PLCB1: variants seen among roughly 807,000 people sequenced by gnomAD.
The protein encoded by PLCB1 is phospholipase C beta 1.
PLCB1 carries 46 observed loss-of-function variants against 161.8 expected under a neutral mutation model. The ratio of observed to expected loss-of-function variants is 0.28; its 90% CI spans 0.22 to 0.36. The LOEUF is 0.36. Among genes scored for constraint, PLCB1 ranks in the 10% least tolerant of loss-of-function variants. The pLI is 1.00. For synonymous variants in PLCB1, 517 were observed against 503.7 expected, an observed-to-expected ratio of 1.03 and a Z score of -0.35; for missense variants, 1,016 against 1,472.5, an observed-to-expected ratio of 0.69 and a Z score of 5.07.
intron 2 of PLCB1, among the ~76,000 whole-genome samples, chr20:8,237,481 A>G (rs963283496): frequency 1.3e-5 from 2 of 152,108 alleles, no homozygotes; most frequent in African/African-American, 4.8e-5. Context: ...ATTTTAATTT[A>G]CTTACTTGTA....
chr20:8,646,035 G>A lies in PLCB1; in HGVS notation c.385-67G>A, dbSNP rs1258713473. On this transcript the variant is annotated intron_variant, in intron 4 of 31. Transcript: ENST00000338037. Reference sequence around the variant, plus strand: ...ACTAATGTGTCTTCCTGGAAGCCAAGCTAAAAGCATGTGTCTAATGACTGT... The same window carrying A: ...ACTAATGTGTCTTCCTGGAAGCCAAACTAAAAGCATGTGTCTAATGACTGT... 5 of 1,085,884 alleles carry A rather than the reference G, an allele frequency of 4.6e-6. No homozygotes were observed. In the African/African-American group the frequency reaches 4.6e-5, roughly 10 times the overall value. 67.3% of individuals were successfully genotyped at this position (1,085,884 alleles called of 1,614,324 possible).
At chr20:8,209,613 A>G (rs1035983254) in intron 2 of PLCB1, among the ~76,000 whole-genome samples, 2 of 152,122 alleles carry the variant, frequency 1.3e-5, no homozygotes, top group African/African-American at 4.8e-5. Context: ...TTCCGGCATC[A>G]TAATTTCTGT....
intron 2 of PLCB1, among the ~76,000 whole-genome samples, chr20:8,155,559 A>G (rs1479263124): frequency 6.6e-6 from 1 of 152,240 alleles, no homozygotes; most frequent in Non-Finnish European, 1.5e-5. Flanking sequence ...ATGATGCATC[A>G]TAAATGTCAA....
At chr20:8,533,998 G>A (rs979686643) in intron 3 of PLCB1, among the ~76,000 whole-genome samples, 9 of 152,096 alleles carry the variant, frequency 5.9e-5, no homozygotes, top group African/African-American at 1.9e-4. Context: ...ATGGTTTTAC[G>A]TCTAACGTTT....
intron 3 of PLCB1, among the ~76,000 whole-genome samples, chr20:8,536,424 T>C (rs1310274372): frequency 6.6e-6 from 1 of 152,156 alleles, no homozygotes; most frequent in Non-Finnish European, 1.5e-5. Flanking sequence ...CCAACCACAG[T>C]ATTTTACTAA....
In PLCB1 at chr20:8,715,144, G is replaced by A. The variant is rs143760588; in HGVS notation, c.1251-1120G>A. ...TGTAGAGATAACTATTGGAAATCAA[G>A]TTCGACAGACTGTAGATCAAATTCA... On this transcript the variant is annotated intron_variant, in intron 12 of 31. Transcript: ENST00000338037. 6.1e-3 allele frequency among the ~76,000 whole-genome samples: 932 copies of A among 152,284 alleles called. 5 individuals are homozygous for A. The highest frequency in any genetic ancestry group is 0.011 in the Non-Finnish European group (771 of 68,022).
chr20:8,540,163 C>T (rs1371301707), intron 3 of PLCB1, among the ~76,000 whole-genome samples: 2 of 152,050 alleles, frequency 1.3e-5, no homozygotes, highest in Admixed American at 6.5e-5. Context: ...AGAAAGTTTG[C>T]ATCACTTTTT....
At chr20:8,180,100 C>T (rs1325950312) in intron 2 of PLCB1, among the ~76,000 whole-genome samples, 9 of 151,934 alleles carry the variant, frequency 5.9e-5, no homozygotes, top group South Asian at 2.1e-4. Flanking sequence ...CCTCGTGATC[C>T]GCCCGCCTCG....
chr20:8,670,895 G>GA (rs1989926822), intron 9 of PLCB1, among the ~76,000 whole-genome samples: 1 of 152,188 alleles, frequency 6.6e-6, no homozygotes, highest in Non-Finnish European at 1.5e-5. Flanking sequence ...AAAGCACCAG[G>GA]AAAAAACGTG....
chr20:8,714,024 G>T (rs981987358), intron 12 of PLCB1, among the ~76,000 whole-genome samples: 7 of 152,056 alleles, frequency 4.6e-5, no homozygotes, highest in African/African-American at 1.7e-4. Context: ...TTCACTCCAG[G>T]TGTTTGATCA....
chr20:8,148,620 C>T (rs1039168682), intron 1 of PLCB1, among the ~76,000 whole-genome samples: 1 of 152,116 alleles, frequency 6.6e-6, no homozygotes, highest in African/African-American at 2.4e-5. Context: ...CAGCATTATT[C>T]ACAATAGCCA....
chr20:8,687,124 C>A (rs1990378720), intron 10 of PLCB1, among the ~76,000 whole-genome samples: 1 of 151,800 alleles, frequency 6.6e-6, no homozygotes, highest in Admixed American at 6.6e-5. Context: ...CTCCTGGGCT[C>A]AAGCAATCCT....
chr20:8,330,840 A>G (rs1397817153), intron 2 of PLCB1, among the ~76,000 whole-genome samples: 9 of 152,246 alleles, frequency 5.9e-5, no homozygotes, highest in Admixed American at 5.9e-4. Flanking sequence ...TGTGTCATAA[A>G]GGATAGATGT....
In PLCB1 at chr20:8,875,719, A is replaced by G. The variant is rs1048353917; in HGVS notation, c.3424-5903A>G. Among the ~76,000 whole-genome samples the G allele has an allele frequency of 9.2e-5, 14 of 151,790 alleles. No homozygotes were observed. In the South Asian group the frequency reaches 2.7e-3, roughly 29 times the overall value. ...TTTCTCAATTCTTCTTTGTTATTCCATTGTGGCTTATTGTTCTCTGGTTTC... is the reference window on the plus strand; with the variant it reads ...TTTCTCAATTCTTCTTTGTTATTCCGTTGTGGCTTATTGTTCTCTGGTTTC... On this transcript the variant is annotated intron_variant, in intron 31 of 31. Coordinates refer to ENST00000338037, the MANE Select transcript of PLCB1 (RefSeq NM_015192.4).
intron 3 of PLCB1, among the ~76,000 whole-genome samples, chr20:8,420,377 T>C (rs1979487976): frequency 6.6e-6 from 1 of 152,204 alleles, no homozygotes; most frequent in Non-Finnish European, 1.5e-5. Context: ...AAACTATAAA[T>C]ACATATATTT....
chr20:8,771,148 A>G (rs891810022), intron 26 of PLCB1, among the ~76,000 whole-genome samples: 4 of 152,212 alleles, frequency 2.6e-5, no homozygotes, highest in South Asian at 2.1e-4. Context: ...GAGATGTGTT[A>G]TAACTACAAA....
At chr20:8,533,478 C>T (rs1306105778) in intron 3 of PLCB1, among the ~76,000 whole-genome samples, 2 of 152,074 alleles carry the variant, frequency 1.3e-5, no homozygotes, top group Non-Finnish European at 2.9e-5. Context: ...ACAGTCCCAC[C>T]AACAGTGTAA....
intron 31 of PLCB1, among the ~76,000 whole-genome samples, chr20:8,871,112 C>T (rs533411069): frequency 2.0e-5 from 3 of 152,264 alleles, no homozygotes; most frequent in East Asian, 3.9e-4. Context: ...TGAAATTAGC[C>T]ATAGATTATG....
chr20:8,289,267 A>G (rs1184643282), intron 2 of PLCB1, among the ~76,000 whole-genome samples: 2 of 152,200 alleles, frequency 1.3e-5, no homozygotes, highest in African/African-American at 4.8e-5. Context: ...AGCACTTGAC[A>G]TGGACTAAAG....
Sources: gnomAD v4.1 joint callset for allele counts (sites outside exome capture counted in the v4.1 genomes callset) on GRCh38, gnomAD v4.1.1 for gene constraint, MANE v1.5 for transcripts, NCBI Gene and HGNC (gene_info 2026-07-23, HGNC 2026-07-21) for gene names.